ANGEL1: variants seen among roughly 807,000 people sequenced by gnomAD.
ANGEL1 encodes the protein RNA 2',3'-cyclic phosphatase ANGEL1.
ANGEL1 carries 62 observed loss-of-function variants against 76.4 expected under a neutral mutation model. The ratio of observed to expected loss-of-function variants is 0.81; its 90% CI spans 0.66 to 1.00. The LOEUF (loss-of-function observed/expected upper bound fraction) is 1.00. Among genes scored for constraint, ANGEL1 ranks in the 50% least tolerant of loss-of-function variants. ANGEL1 has a pLI of 0.00. For missense variants in ANGEL1, 737 were observed against 836.7 expected (o/e 0.88, Z 1.47); for synonymous variants, 340 against 331.7 (o/e 1.03, Z -0.27).
chr14:76,804,463 C>A (rs893255916), intron 5 of ANGEL1: 3 of 991,280 alleles, frequency 3.0e-6, no homozygotes, highest in Non-Finnish European at 2.4e-6. Flanking sequence ...CAACATCAGT[C>A]ATCTGCACAT....
At chr14:76,810,429 G>A (rs1489176811) in intron 1 of ANGEL1, among the ~76,000 whole-genome samples, 1 of 149,236 alleles carries the variant, frequency 6.7e-6, no homozygotes. Flanking sequence ...AAAAAAAAAA[G>A]AAAAGAAAAG....
intron 2 of ANGEL1, 51 bp downstream of exon 2, chr14:76,809,008 C>T: frequency 6.5e-7 from 1 of 1,531,766 alleles, no homozygotes. Context: ...GCTCTGCCCA[C>T]ACCTGAGACA....
rs992413689 is a variant in ANGEL1, at chr14:76,797,708, G to A, written c.1618+5663C>T. Among the ~76,000 whole-genome samples the A allele has an allele frequency of 7.2e-5, 11 of 152,228 alleles. No individual in the cohort carries two copies. In the East Asian group the frequency reaches 1.7e-3, roughly 24 times the overall value. ...TTGCTGTGTGACTGTGTGACCTTCC[G>A]GTCAGTTTGTTAACTAGGAGTTTAC... On this transcript the variant is annotated intron_variant, in intron 7 of 9. Transcript: ENST00000251089.
chr14:76,810,869 C>T (rs1413466743), intron 1 of ANGEL1, among the ~76,000 whole-genome samples: 5 of 152,232 alleles, frequency 3.3e-5, no homozygotes, highest in African/African-American at 9.6e-5. Context: ...CACTCACACA[C>T]TCAACCATTT....
intron 7 of ANGEL1, among the ~76,000 whole-genome samples, chr14:76,795,582 T>A (rs148589508): frequency 3.3e-5 from 5 of 152,350 alleles, no homozygotes; most frequent in African/African-American, 9.6e-5. Flanking sequence ...TGGAAATATA[T>A]GTTTTTTAAA....
chr14:76,797,443 AC>A (rs760786524), intron 7 of ANGEL1, among the ~76,000 whole-genome samples: 11 of 152,058 alleles, frequency 7.2e-5, no homozygotes, highest in Non-Finnish European at 1.0e-4. Context: ...TACTAAGACT[AC>A]AAAAAATTAG....
Position 76,787,585 on chromosome 14 carries a change from A to G in ANGEL1, c.*1643T>C, listed in dbSNP as rs1258204390. 1.3e-5 allele frequency: 2 copies of G among 152,644 alleles called. No individual in the cohort carries two copies. The highest frequency in any genetic ancestry group is 2.4e-5 in the African/African-American group (1 of 41,454). The allele number at this position is 152,644 out of a possible 1,614,324, so 9.5% of individuals were successfully genotyped here. A position where few individuals can be genotyped will look rare whatever the true frequency, so the allele number is the denominator to read the frequency against. Reference sequence around the variant, plus strand: ...AAAGTTTGAAAATATATACACATAGAAAAATAAATTCCCTAGAACCTAGGC... The same window carrying G: ...AAAGTTTGAAAATATATACACATAGGAAAATAAATTCCCTAGAACCTAGGC... On this transcript the variant is annotated 3_prime_UTR_variant, in exon 10 of 10. Coordinates refer to ENST00000251089, the MANE Select transcript of ANGEL1 (RefSeq NM_015305.4).
rs1894837281 is a variant in ANGEL1, at chr14:76,803,859, G to C, written c.1434C>G (p.Ala478=). The C allele has an allele frequency of 6.2e-7, 1 of 1,614,082 alleles. No individual in the cohort carries two copies. The highest frequency in any genetic ancestry group is 1.3e-5 in the African/African-American group (1 of 74,918). Residue 478 remains alanine (A), a synonymous_variant, in exon 6 of 10, where the codon GCC becomes GCG. Transcript: ENST00000251089. ...SHQLYQRKLQ[A]PLWPSSLGIT... The stretch of plus-strand genomic sequence containing the variant: ...TGCCCAGGGAGCTGGGCCACAGTGG[G>C]GCCTGCAGCTTCCTCTGGTAAAGCT...
Position 76,809,636 on chromosome 14 carries a change from G to A in ANGEL1, c.72C>T (p.Phe24=). The A allele has an allele frequency of 6.2e-7, 1 of 1,612,688 alleles. No individual in the cohort carries two copies. The highest frequency in any genetic ancestry group is 8.5e-7 in the Non-Finnish European group (1 of 1,179,228). Residue 24 remains phenylalanine, a synonymous_variant, in exon 2 of 10, where the codon TTC becomes TTT. Transcript: ENST00000251089. ...TRLFRALSDA[F]FTCRKNVLLA... ...GAAGGACATTTTTTCGACATGTGAA[G>A]AAAGCATCTAGGAGGAAAGCCAAAA...
rs1371431118 is a variant in ANGEL1 at position 76,809,183 on chromosome 14, T to C, written c.525A>G (p.Glu175=). 3 of 1,613,798 alleles carry C rather than the reference T, an allele frequency of 1.9e-6. No homozygotes were observed. In the African/African-American group the frequency reaches 4.0e-5, roughly 22 times the overall value. Reference sequence around the variant, plus strand: ...TCCAGGCCAACACCGCTGGGTCCTCTTCCCACTGCTCTGTGGCCAGGGCAC... The same window carrying C: ...TCCAGGCCAACACCGCTGGGTCCTCCTCCCACTGCTCTGTGGCCAGGGCAC... ...PVGALATEQW[E]EDPAVLAWSI... Residue 175 remains glutamate, a synonymous_variant, in exon 2 of 10, where the codon GAA becomes GAG. Coordinates refer to ENST00000251089, the MANE Select transcript of ANGEL1 (RefSeq NM_015305.4).
chr14:76,811,517 G>GTT (rs1683382702), intron 1 of ANGEL1, among the ~76,000 whole-genome samples: 1 of 65,128 alleles, frequency 1.5e-5, no homozygotes, highest in African/African-American at 1.1e-4. Flanking sequence ...TAATGTGTAG[G>GTT]TGGGGGGGCG....
chr14:76,789,374 G>A lies in ANGEL1; in HGVS notation c.1867C>T (p.Arg623Ter), dbSNP rs562216424. Residue 623 changes from arginine (R) to a stop codon, truncating the protein, a stop_gained, in exon 10 of 10, where the codon CGA becomes TGA. Coordinates refer to ENST00000251089, the MANE Select transcript of ANGEL1 (RefSeq NM_015305.4). LOFTEE classifies it high-confidence loss of function. ...NGNRTDHRLY[R>*]DGTLKLLGRL... ...CCCAGGAGCTTGAGAGTTCCATCTCGATACAGCCTGTGATCTGGGGCACAA... is the reference window on the plus strand; with the variant it reads ...CCCAGGAGCTTGAGAGTTCCATCTCAATACAGCCTGTGATCTGGGGCACAA... The A allele has an allele frequency of 3.1e-5, 50 of 1,614,042 alleles. No individual in the cohort carries two copies. Among genetic ancestry groups the A allele is most frequent in the African/African-American group, 1.1e-4 (8 of 74,934 alleles).
In ANGEL1 at chr14:76,808,106, T is replaced by A. The variant is rs1316859084; in HGVS notation, c.692A>T (p.Asp231Val). ...ATCTCCTGCCTTCAGGCCCTGAGCA[T>A]CTGGCTGGGTGGAGAAATCCTCCCA... ...REWEDFSTQP[D>V]AQGLKAGDGP... The change falls in exon 3 of 10, where the codon GAT becomes GTT. Residue 231 changes from aspartate (D) to valine (V), a missense_variant. Physicochemically the swap from Asp to Val is radical, Grantham distance 152 (BLOSUM62 -3). This residue lies in a region of ANGEL1 where 441 missense variants were observed against 449.5 expected (regional missense o/e 0.98). Coordinates refer to ENST00000251089, the MANE Select transcript of ANGEL1 (RefSeq NM_015305.4). 6.2e-7 allele frequency: 1 copy of A among 1,613,802 alleles called. No individual in the cohort carries two copies. Among genetic ancestry groups the A allele is most frequent in the Non-Finnish European group, 8.5e-7 (1 of 1,180,032 alleles).
intron 7 of ANGEL1, among the ~76,000 whole-genome samples, chr14:76,796,476 G>T (rs925706644): frequency 1.3e-5 from 2 of 151,640 alleles, no homozygotes; most frequent in Admixed American, 1.3e-4. Context: ...GGCTTATTTC[G>T]AACTCCAGGA....
chr14:76,809,398 C>A lies in ANGEL1; in HGVS notation c.310G>T (p.Ala104Ser). The change falls in exon 2 of 10, where the codon GCT becomes TCT. Residue 104 changes from alanine (A) to serine (S), a missense_variant. Coordinates refer to ENST00000251089, the MANE Select transcript of ANGEL1 (RefSeq NM_015305.4). ...CTGCTGGACCACCTGTCCTCTGAAG[C>A]AGCATTCTCTTCTCCAGGATTATCC... ...LMDNPGEENA[A>S]SEDRWSSRQL... The A allele has an allele frequency of 6.2e-7, 1 of 1,614,256 alleles. No individual in the cohort carries two copies. Among genetic ancestry groups the A allele is most frequent in the Middle Eastern group, 1.6e-4 (1 of 6,062 alleles).
intron 7 of ANGEL1, among the ~76,000 whole-genome samples, chr14:76,797,375 G>A (rs974426215): frequency 2.0e-5 from 3 of 152,244 alleles, no homozygotes; most frequent in Middle Eastern, 3.4e-3. Context: ...CGAAGCCGGG[G>A]GATCACTTGA....
chr14:76,801,436 C>T (rs1476480175), intron 7 of ANGEL1, among the ~76,000 whole-genome samples: 1 of 152,150 alleles, frequency 6.6e-6, no homozygotes, highest in African/African-American at 2.4e-5. Flanking sequence ...TACTGAGACA[C>T]ATGTCTTCTC....
chr14:76,807,063 C>G (rs1249093643), intron 4 of ANGEL1, among the ~76,000 whole-genome samples: 2 of 152,190 alleles, frequency 1.3e-5, no homozygotes, highest in African/African-American at 4.8e-5. Flanking sequence ...GGGTATGAAG[C>G]AATGTAACAT....
In ANGEL1 at chr14:76,806,738, C is replaced by CG; in HGVS notation, c.1057dup (p.Arg353ProfsTer8). The CG allele has an allele frequency of 6.2e-7, 1 of 1,614,106 alleles. No individual in the cohort carries two copies. The highest frequency in any genetic ancestry group is 1.1e-5 in the South Asian group (1 of 91,078). ...CCGATTAAGTAGCTCCAAGCCAGGC[C>CG]GGAAGTACTCCACAGGGCTAGCACA... On this transcript the variant is annotated frameshift_variant, in exon 5 of 10. Transcript: ENST00000251089. LOFTEE classifies it high-confidence loss of function.
Sources: gnomAD v4.1 joint callset for allele counts (sites outside exome capture counted in the v4.1 genomes callset) on GRCh38, gnomAD v4.1.1 for gene constraint, gnomAD v4.1.1 regional missense constraint, MANE v1.5 for transcripts, NCBI Gene and HGNC (gene_info 2026-07-23, HGNC 2026-07-21) for gene names.